TENM2: variants seen among roughly 807,000 people sequenced by gnomAD.
The protein encoded by TENM2 is teneurin-2.
TENM2 carries 52 observed loss-of-function variants against 245.2 expected under a neutral mutation model. That is an observed-to-expected ratio of 0.21 (90% CI 0.17 to 0.27). The LOEUF is 0.27. Among genes scored for constraint, TENM2 ranks in the 10% least tolerant of loss-of-function variants. TENM2 has a pLI of 1.00. For missense variants in TENM2, 3,046 were observed against 3,666.8 expected (o/e 0.83, Z 4.37); for synonymous variants, 1,363 against 1,438.9 (o/e 0.95, Z 1.19).
intron 2 of TENM2, among the ~76,000 whole-genome samples, chr5:167,668,232 T>C (rs919062541): frequency 3.9e-5 from 6 of 152,146 alleles, no homozygotes; most frequent in Non-Finnish European, 8.8e-5. Context: ...AAAATCTTTC[T>C]CAGCTCCACC....
intron 2 of TENM2, among the ~76,000 whole-genome samples, chr5:167,753,580 T>C (rs1256199493): frequency 6.6e-6 from 1 of 152,224 alleles, no homozygotes; most frequent in Non-Finnish European, 1.5e-5. Context: ...CTGTTGATGT[T>C]GCTTCTGTTA....
chr5:167,398,026 A>C (rs1762155306), intron 2 of TENM2, among the ~76,000 whole-genome samples: 1 of 152,138 alleles, frequency 6.6e-6, no homozygotes, highest in African/African-American at 2.4e-5. Flanking sequence ...CTAATGGGAG[A>C]GGTCCAAGGG....
the TENM2 span, among the ~76,000 whole-genome samples, chr5:167,239,999 CCT>C: frequency 6.6e-6 from 1 of 152,224 alleles, no homozygotes. Context: ...GTCTCCAACT[CCT>C]GACCTCAGGT....
chr5:167,975,114 T>C (rs1782338131), intron 4 of TENM2, among the ~76,000 whole-genome samples: 1 of 152,178 alleles, frequency 6.6e-6, no homozygotes, highest in South Asian at 2.1e-4. Context: ...ACATGCCACC[T>C]CCCTGTCAGG....
intron 23 of TENM2, among the ~76,000 whole-genome samples, chr5:168,225,336 T>C (rs540070935): frequency 6.6e-6 from 1 of 152,340 alleles, no homozygotes; most frequent in South Asian, 2.1e-4. Flanking sequence ...ATGGATGGTC[T>C]CAAATGCGAG....
chr5:167,246,773 G>A, the TENM2 span, among the ~76,000 whole-genome samples: 3 of 151,876 alleles, frequency 2.0e-5, no homozygotes, highest in Admixed American at 6.6e-5. Context: ...GTTGGTTGGC[G>A]CGGGGTGTGG....
chr5:168,185,891 G>T (rs1760345881), intron 13 of TENM2, among the ~76,000 whole-genome samples: 1 of 134,220 alleles, frequency 7.5e-6, no homozygotes, highest in South Asian at 2.4e-4. Context: ...TAGTTCATTG[G>T]ACATATACTA....
rs1328186735 is a variant in TENM2, at chr5:167,742,982, AC to A, written c.503-133003del. ...AGAGTGAGACCTTGTCTTAAAAACA[AC>A]AACAACAACAACAACAACAACAACA... is the stretch of plus-strand genomic sequence containing the variant. On this transcript the variant is annotated intron_variant, in intron 2 of 28. Coordinates refer to ENST00000518659, the Ensembl canonical transcript of TENM2. Among the ~76,000 whole-genome samples the A allele has an allele frequency of 1.7e-3, 108 of 64,032 alleles. No individual in the cohort carries two copies. The African/African-American group carries it at 0.018, about 10-fold the overall frequency. 42.0% of individuals were successfully genotyped at this position (64,032 alleles called of 152,430 possible).
the TENM2 span, among the ~76,000 whole-genome samples, chr5:167,195,410 A>C: frequency 2.6e-5 from 4 of 152,050 alleles, no homozygotes; most frequent in Non-Finnish European, 5.9e-5. Context: ...AAGTAGAGGA[A>C]GATCAGGGAT....
At chr5:168,215,990 T>G (rs2152561605) in intron 21 of TENM2, among the ~76,000 whole-genome samples, 1 of 152,252 alleles carries the variant, frequency 6.6e-6, no homozygotes, top group Non-Finnish European at 1.5e-5. Context: ...TTTCCAGGGG[T>G]CCAGGATGGA....
At chr5:168,152,388 C>A (rs902832964) in intron 12 of TENM2, among the ~76,000 whole-genome samples, 2 of 152,138 alleles carry the variant, frequency 1.3e-5, no homozygotes. Context: ...AACAAAATGG[C>A]AATTTATGGT....
At chr5:167,441,506 G>T (rs953645415) in intron 2 of TENM2, among the ~76,000 whole-genome samples, 1 of 152,142 alleles carries the variant, frequency 6.6e-6, no homozygotes, top group African/African-American at 2.4e-5. Flanking sequence ...TGTAATTTGG[G>T]TTTATTCAAC....
the TENM2 span, among the ~76,000 whole-genome samples, chr5:167,045,333 A>G: frequency 6.6e-6 from 1 of 152,186 alleles, no homozygotes; most frequent in Non-Finnish European, 1.5e-5. Context: ...TTCTTGAGCC[A>G]TATAAATTAA....
At chr5:168,243,632 G>A (rs1039974803) in intron 25 of TENM2, among the ~76,000 whole-genome samples, 10 of 152,176 alleles carry the variant, frequency 6.6e-5, no homozygotes, top group African/African-American at 2.4e-4. Flanking sequence ...AGCTAATGAT[G>A]TGCCAAAAAG....
intron 9 of TENM2, among the ~76,000 whole-genome samples, chr5:168,113,328 A>G (rs1477441083): frequency 6.6e-6 from 1 of 152,058 alleles, no homozygotes; most frequent in Non-Finnish European, 1.5e-5. Context: ...TCCAAATAAT[A>G]ATAATAATAA....
At chr5:167,230,047 C>T in the TENM2 span, among the ~76,000 whole-genome samples, 5 of 152,140 alleles carry the variant, frequency 3.3e-5, no homozygotes, top group Non-Finnish European at 7.4e-5. Flanking sequence ...CTTGTGGCTC[C>T]TGCCTCAGCC....
At chr5:167,397,079 G>A (rs956562671) in intron 2 of TENM2, among the ~76,000 whole-genome samples, 1 of 152,244 alleles carries the variant, frequency 6.6e-6, no homozygotes, top group Non-Finnish European at 1.5e-5. Flanking sequence ...TGTCCTTGGT[G>A]AGTGCAGAGA....
At position 168,168,294 on chromosome 5, in the gene TENM2, C is replaced by G. The variant is rs112594949; in HGVS notation, c.2569+5537C>G. Among the ~76,000 whole-genome samples, 674 of 152,224 alleles carry G rather than the reference C, an allele frequency of 4.4e-3. 3 individuals are homozygous for G. The highest frequency in any genetic ancestry group is 0.016 in the African/African-American group (646 of 41,530). On this transcript the variant is annotated intron_variant, in intron 13 of 28. Coordinates refer to ENST00000518659, the Ensembl canonical transcript of TENM2. ...GCTCACCCAGCCTAATGTCATAGTG[C>G]TTATACCCCAAACCCTTTCCCCTAA...
intron 5 of TENM2, among the ~76,000 whole-genome samples, chr5:168,025,097 T>G (rs1446664106): frequency 1.3e-5 from 2 of 152,218 alleles, no homozygotes; most frequent in African/African-American, 4.8e-5. Context: ...ACATGGAAAT[T>G]TATTAATCCT....
Sources: gnomAD v4.1 joint callset for allele counts (sites outside exome capture counted in the v4.1 genomes callset) on GRCh38, gnomAD v4.1.1 for gene constraint, MANE v1.5 for transcripts, NCBI Gene and HGNC (gene_info 2026-07-23, HGNC 2026-07-21) for gene names.